RPA3: variants seen among roughly 807,000 people sequenced by gnomAD.
RPA3 encodes replication protein A 14 kDa subunit.
A neutral mutation model predicts 13.7 loss-of-function variants in RPA3; 24 were observed. The ratio of observed to expected loss-of-function variants is 1.75; its 90% CI spans 1.27 to 2.46. The LOEUF is 2.46. Ranked by LOEUF, RPA3 falls within the 30% of genes most tolerant of loss-of-function variation. The pLI, the probability that RPA3 is intolerant of heterozygous loss-of-function variation, is 0.00. For synonymous variants in RPA3, 59 were observed against 51.2 expected (o/e 1.15, Z -0.65); for missense variants, 183 against 151.0 (o/e 1.21, Z -1.11).
intron 2 of RPA3, among the ~76,000 whole-genome samples, chr7:7,700,387 A>G (rs1780429733): frequency 6.6e-6 from 1 of 152,196 alleles, no homozygotes; most frequent in Admixed American, 6.6e-5. Context: ...AGGGAACACA[A>G]ATATTCAGTG....
intron 4 of RPA3, among the ~76,000 whole-genome samples, chr7:7,644,112 T>A (rs960533202): frequency 2.0e-5 from 3 of 151,914 alleles, no homozygotes; most frequent in Non-Finnish European, 4.4e-5. Context: ...ACTCTTGGAG[T>A]TTTTTCCCCC....
chr7:7,684,193 TA>T (rs1779982922), intron 4 of RPA3, among the ~76,000 whole-genome samples: 1 of 152,160 alleles, frequency 6.6e-6, no homozygotes, highest in Non-Finnish European at 1.5e-5. Flanking sequence ...TGTACATGTT[TA>T]GCACAGATGC....
chr7:7,655,423 A>G (rs1320864502), intron 4 of RPA3, among the ~76,000 whole-genome samples: 3 of 152,182 alleles, frequency 2.0e-5, no homozygotes, highest in Admixed American at 1.3e-4. Flanking sequence ...TTAAATGAAA[A>G]GTTTCAGTTT....
intron 6 of RPA3, 159 bp from the exon 7 acceptor site, chr7:7,638,131 G>T: frequency 2.1e-6 from 1 of 487,650 alleles, no homozygotes; most frequent in Non-Finnish European, 3.7e-6. Flanking sequence ...GTTAACAAAT[G>T]TTTGAGTACT....
intron 4 of RPA3, chr7:7,673,368 A>AGCAGCAGCAGCAGCG (rs776102769): frequency 1.8e-6 from 2 of 1,125,840 alleles, no homozygotes; most frequent in African/African-American, 3.2e-5. Flanking sequence ...CAGCAGCAGC[A>AGCAGCAGCAGCAGCG]GCAATGTTTC....
intron 2 of RPA3, among the ~76,000 whole-genome samples, chr7:7,707,561 A>T (rs1563141425): frequency 6.6e-6 from 1 of 152,192 alleles, no homozygotes; most frequent in East Asian, 1.9e-4. Context: ...ATATAAAGTG[A>T]TTTCACTACT....
intron 2 of RPA3, among the ~76,000 whole-genome samples, chr7:7,703,629 A>C (rs1780522545): frequency 6.6e-6 from 1 of 152,206 alleles, no homozygotes; most frequent in Non-Finnish European, 1.5e-5. Flanking sequence ...GTTCAGGGCC[A>C]AAGTTCAGTT....
At chr7:7,685,203 A>T (rs1165843309) in intron 4 of RPA3, among the ~76,000 whole-genome samples, 1 of 152,062 alleles carries the variant, frequency 6.6e-6, no homozygotes, top group Non-Finnish European at 1.5e-5. Context: ...GTACTACAAT[A>T]TTCTTTTATA....
chr7:7,698,114 A>T (rs114919479), intron 2 of RPA3, among the ~76,000 whole-genome samples: 1 of 152,216 alleles, frequency 6.6e-6, no homozygotes. Flanking sequence ...AATGCCCATG[A>T]GTTAGACACT....
chr7:7,711,439 A>C (rs768115785), intron 2 of RPA3, among the ~76,000 whole-genome samples: 1 of 152,166 alleles, frequency 6.6e-6, no homozygotes, highest in African/African-American at 2.4e-5. Flanking sequence ...TGAAAATTCT[A>C]TCCTTTTCAT....
At chr7:7,689,614 G>T (rs1468959431) in intron 2 of RPA3, among the ~76,000 whole-genome samples, 1 of 152,080 alleles carries the variant, frequency 6.6e-6, no homozygotes, top group Non-Finnish European at 1.5e-5. Context: ...TGTTTTTCAT[G>T]CCCAGACTTC....
At chr7:7,652,181 T>C (rs1478188100) in intron 4 of RPA3, among the ~76,000 whole-genome samples, 2 of 152,226 alleles carry the variant, frequency 1.3e-5, no homozygotes, top group Non-Finnish European at 2.9e-5. Context: ...ATCTTCTTTG[T>C]GGTTCATGCT....
chr7:7,704,829 T>C (rs886812439), intron 2 of RPA3, among the ~76,000 whole-genome samples: 3 of 142,826 alleles, frequency 2.1e-5, no homozygotes, highest in Non-Finnish European at 4.6e-5. Flanking sequence ...GTTTAACTTA[T>C]AGATTGTCTT....
intron 2 of RPA3, among the ~76,000 whole-genome samples, chr7:7,699,528 T>C (rs960733362): frequency 6.6e-6 from 1 of 152,212 alleles, no homozygotes; most frequent in African/African-American, 2.4e-5. Flanking sequence ...AGTTTCACTT[T>C]AGAAACTGCT....
intron 6 of RPA3, 38 bp downstream of exon 6, chr7:7,639,032 C>G (rs1490701832): frequency 6.9e-7 from 1 of 1,447,042 alleles, no homozygotes; most frequent in African/African-American, 1.4e-5. Flanking sequence ...GAAGAATTAA[C>G]TATAATATAT....
chr7:7,705,954 C>G (rs1780588908), intron 2 of RPA3, among the ~76,000 whole-genome samples: 11 of 152,020 alleles, frequency 7.2e-5, no homozygotes, highest in Admixed American at 7.2e-4. Context: ...TAAAACTGCT[C>G]TAAAAAATAA....
intron 4 of RPA3, among the ~76,000 whole-genome samples, chr7:7,652,386 T>C (rs562127306): frequency 6.6e-5 from 10 of 152,344 alleles, no homozygotes; most frequent in African/African-American, 2.2e-4. Flanking sequence ...ACCAATTTTT[T>C]TAGTGTGTTT....
chr7:7,673,308 GGTAGCAGCA>G lies in RPA3; in HGVS notation c.-758+12513_-758+12521del. 4 of 1,050,990 alleles carry G rather than the reference GGTAGCAGCA, an allele frequency of 3.8e-6. No homozygotes were observed. The South Asian group carries it at 5.7e-5, about 15-fold the overall frequency. 65.1% of individuals were successfully genotyped at this position (1,050,990 alleles called of 1,614,324 possible). ...GACATTGTGTAATGTTTCTATTTCAGGTAGCAGCAGCAGCAGCAGCAGCAGCAGCAGCAG... is the reference window on the plus strand; with the variant it reads ...GACATTGTGTAATGTTTCTATTTCAGGCAGCAGCAGCAGCAGCAGCAGCAG... On this transcript the variant is annotated intron_variant, in intron 4 of 7. Transcript: ENST00000223129.
intron 4 of RPA3, among the ~76,000 whole-genome samples, chr7:7,643,993 A>G (rs1309358480): frequency 6.6e-6 from 1 of 152,134 alleles, no homozygotes; most frequent in Non-Finnish European, 1.5e-5. Flanking sequence ...AACTTGGGGT[A>G]ACTTGGATCT....
Sources: gnomAD v4.1 joint callset for allele counts (sites outside exome capture counted in the v4.1 genomes callset) on GRCh38, gnomAD v4.1.1 for gene constraint, MANE v1.5 for transcripts, NCBI Gene and HGNC (gene_info 2026-07-23, HGNC 2026-07-21) for gene names.